The following GSE1 variants were observed in gnomAD, a reference collection of about 807,000 sequenced individuals.
GSE1 encodes the protein Gse1 coiled-coil protein, also known as genetic suppressor element 1.
GSE1 carries 32 observed loss-of-function variants against 112.6 expected under a neutral mutation model. That is an observed-to-expected ratio of 0.28 (90% CI 0.21 to 0.38). The LOEUF is 0.38. Among genes scored for constraint, GSE1 ranks in the 10% least tolerant of loss-of-function variants. The probability of loss-of-function intolerance (pLI) is 1.00; values close to 1 mark genes in which losing one functional copy is unlikely to be tolerated. For synonymous variants in GSE1, 1,115 were observed against 735.6 expected, an observed-to-expected ratio of 1.52 and a Z score of -8.35; for missense variants, 2,348 against 1,699.2, an observed-to-expected ratio of 1.38 and a Z score of -6.71.
intron 2 of GSE1, among the ~76,000 whole-genome samples, chr16:85,503,325 G>A (rs1335499724): frequency 6.6e-6 from 1 of 152,192 alleles, no homozygotes; most frequent in African/African-American, 2.4e-5. Flanking sequence ...GGAGGGAAGG[G>A]TGTGGGCAGG....
chr16:85,287,453 T>G (rs1267561016), intron 1 of GSE1, among the ~76,000 whole-genome samples: 2 of 152,126 alleles, frequency 1.3e-5, no homozygotes, highest in African/African-American at 2.4e-5. Flanking sequence ...CACCCCCGCC[T>G]CTGGCTTCAT....
intron 2 of GSE1, among the ~76,000 whole-genome samples, chr16:85,384,623 C>G (rs1457575828): frequency 6.6e-6 from 1 of 152,182 alleles, no homozygotes; most frequent in African/African-American, 2.4e-5. Context: ...GGGACCTGTG[C>G]AGGCGGTGGC....
At chr16:85,525,519 C>T (rs1398225591) in intron 2 of GSE1, among the ~76,000 whole-genome samples, 2 of 152,238 alleles carry the variant, frequency 1.3e-5, no homozygotes, top group East Asian at 3.9e-4. Flanking sequence ...AGCCAGCCGG[C>T]AGGCTTTCCT....
chr16:85,475,357 C>T (rs1405910438), intron 2 of GSE1, among the ~76,000 whole-genome samples: 1 of 152,216 alleles, frequency 6.6e-6, no homozygotes, highest in African/African-American at 2.4e-5. Flanking sequence ...TGGGGTGGGA[C>T]ATCACCAGCC....
chr16:85,391,659 G>A (rs1471253200), intron 2 of GSE1, among the ~76,000 whole-genome samples: 1 of 152,302 alleles, frequency 6.6e-6, no homozygotes, highest in Middle Eastern at 3.4e-3. Context: ...ATTTTAACTT[G>A]ATGACATCTG....
chr16:85,572,304 C>A (rs944107893), intron 1 of GSE1, among the ~76,000 whole-genome samples: 2 of 144,088 alleles, frequency 1.4e-5, no homozygotes, highest in African/African-American at 5.5e-5. Context: ...ACAACACACA[C>A]CACATACCAC....
intron 2 of GSE1, among the ~76,000 whole-genome samples, chr16:85,519,174 G>A (rs950191901): frequency 2.1e-5 from 3 of 145,574 alleles, no homozygotes; most frequent in African/African-American, 7.5e-5. Flanking sequence ...CTAGGTATTT[G>A]TAAACGTTTT....
chr16:85,508,599 G>A (rs931697787), intron 2 of GSE1, among the ~76,000 whole-genome samples: 1 of 152,194 alleles, frequency 6.6e-6, no homozygotes, highest in Admixed American at 6.5e-5. Context: ...GGGTGTCAGG[G>A]CAGGGCCCGC....
intron 2 of GSE1, among the ~76,000 whole-genome samples, chr16:85,461,011 G>A (rs539815136): frequency 6.6e-6 from 1 of 152,182 alleles, no homozygotes; most frequent in Non-Finnish European, 1.5e-5. Flanking sequence ...CAGCCGGGTG[G>A]GAAGGAGTGA....
intron 2 of GSE1, among the ~76,000 whole-genome samples, chr16:85,384,412 C>A (rs1201822206): frequency 6.6e-6 from 1 of 152,266 alleles, no homozygotes; most frequent in Non-Finnish European, 1.5e-5. Flanking sequence ...AGACCATTCT[C>A]TCAACCTCTC....
chr16:85,496,549 AG>A (rs1567536537), intron 2 of GSE1, among the ~76,000 whole-genome samples: 3 of 152,204 alleles, frequency 2.0e-5, no homozygotes, highest in South Asian at 4.1e-4. Context: ...AGCTGTGGGC[AG>A]GGGGGCCGAC....
chr16:85,639,116 G>A (rs1419899971), intron 2 of GSE1, among the ~76,000 whole-genome samples: 8 of 152,190 alleles, frequency 5.3e-5, no homozygotes, highest in South Asian at 2.1e-4. Context: ...GAGCCGAGGC[G>A]TCCCTGACCC....
At chr16:85,631,095 G>C (rs561186568) in intron 1 of GSE1, among the ~76,000 whole-genome samples, 1 of 152,188 alleles carries the variant, frequency 6.6e-6, no homozygotes, top group African/African-American at 2.4e-5. Flanking sequence ...GTGCCTCGTT[G>C]GGACCACGAG....
At chr16:85,420,552 G>A (rs950229757) in intron 2 of GSE1, among the ~76,000 whole-genome samples, 2 of 152,130 alleles carry the variant, frequency 1.3e-5, no homozygotes, top group African/African-American at 2.4e-5. Context: ...GTCACTCAGG[G>A]CCCATGTGCC....
intron 1 of GSE1, among the ~76,000 whole-genome samples, chr16:85,295,791 G>A (rs2045349755): frequency 7.0e-6 from 1 of 142,732 alleles, no homozygotes; most frequent in African/African-American, 2.6e-5. Context: ...TTTTTGTAGA[G>A]ATGGGGTCTC....
chr16:85,471,268 C>T (rs114900705), intron 2 of GSE1, among the ~76,000 whole-genome samples: 91 of 152,302 alleles, frequency 6.0e-4, no homozygotes, highest in African/African-American at 2.0e-3. Context: ...TAGGGATCTG[C>T]CAGTCCCAAT....
intron 2 of GSE1, among the ~76,000 whole-genome samples, chr16:85,410,527 G>A (rs1227217340): frequency 6.7e-5 from 1 of 14,922 alleles, no homozygotes; most frequent in African/African-American, 3.3e-4. Context: ...TTACTCTTAG[G>A]CCCCCCGGAT....
chr16:85,495,412 A>G (rs2051139316), intron 2 of GSE1, among the ~76,000 whole-genome samples: 1 of 151,914 alleles, frequency 6.6e-6, no homozygotes, highest in Non-Finnish European at 1.5e-5. Flanking sequence ...AGCTCAGATG[A>G]GAACATGCTG....
intron 1 of GSE1, among the ~76,000 whole-genome samples, chr16:85,200,910 C>G (rs1394562161): frequency 6.6e-6 from 1 of 152,212 alleles, no homozygotes; most frequent in South Asian, 2.1e-4. Flanking sequence ...CCTGGCTGCT[C>G]TCTACTTTCT....
Sources: allele counts gnomAD v4.1 joint callset (sites outside exome capture counted in the v4.1 genomes callset), GRCh38; gene constraint gnomAD v4.1.1; transcripts MANE v1.5; gene names NCBI Gene and HGNC (gene_info 2026-07-23, HGNC 2026-07-21).